SLC10A7: variants seen among roughly 807,000 people sequenced by gnomAD.
SLC10A7 encodes the protein sodium/bile acid cotransporter 7.
SLC10A7 carries 29 observed loss-of-function variants against 43.2 expected under a neutral mutation model. The observed-to-expected ratio is 0.67, with a 90% CI of 0.50 to 0.92. SLC10A7 has a LOEUF of 0.92. SLC10A7 is among the 40% of genes least tolerant of loss of function. The pLI is 0.00. For synonymous variants in SLC10A7, 152 were observed against 144.8 expected, an observed-to-expected ratio of 1.05 and a Z score of -0.35; for missense variants, 295 against 403.2, an observed-to-expected ratio of 0.73 and a Z score of 2.30.
chr4:146,418,656 C>T (rs146744050), intron 5 of SLC10A7, among the ~76,000 whole-genome samples: 2 of 152,270 alleles, frequency 1.3e-5, no homozygotes, highest in African/African-American at 2.4e-5. Flanking sequence ...CTCTCTCTTA[C>T]CACTCGATAC....
Position 146,292,119 on chromosome 4 carries a change from A to T in SLC10A7, c.773+810T>A, listed in dbSNP as rs552930861. On this transcript the variant is annotated intron_variant, in intron 9 of 11. Coordinates refer to ENST00000335472, the MANE Select transcript of SLC10A7 (RefSeq NM_001029998.6). ...GATTTTACATCAACCTAAAGCTTAG[A>T]CAGCATGAATACTAGTAGTGGTTCA... Among the ~76,000 whole-genome samples, 3 of 152,326 alleles carry T rather than the reference A, an allele frequency of 2.0e-5. No homozygotes were observed. In the East Asian group the frequency reaches 5.8e-4, roughly 29 times the overall value.
At chr4:146,356,656 T>G (rs1379539629) in intron 5 of SLC10A7, among the ~76,000 whole-genome samples, 1 of 142,552 alleles carries the variant, frequency 7.0e-6, no homozygotes, top group Non-Finnish European at 1.5e-5. Flanking sequence ...TCACACCACT[T>G]GATATTATAC....
At chr4:146,494,344 G>A (rs1325203000) in intron 4 of SLC10A7, among the ~76,000 whole-genome samples, 1 of 152,192 alleles carries the variant, frequency 6.6e-6, no homozygotes, top group Admixed American at 6.5e-5. Flanking sequence ...CAAAGGTGGT[G>A]ATATAGTGCC....
intron 4 of SLC10A7, among the ~76,000 whole-genome samples, chr4:146,444,798 G>T (rs1405082732): frequency 6.6e-6 from 1 of 152,140 alleles, no homozygotes; most frequent in African/African-American, 2.4e-5. Context: ...AATCTTTTGT[G>T]AAATGATTGA....
intron 5 of SLC10A7, among the ~76,000 whole-genome samples, chr4:146,366,359 C>T (rs1348910958): frequency 6.6e-6 from 1 of 152,156 alleles, no homozygotes; most frequent in Admixed American, 6.6e-5. Context: ...AATATTCATA[C>T]TTAATGAGAC....
chr4:146,464,749 T>A (rs761086453), intron 4 of SLC10A7, among the ~76,000 whole-genome samples: 2 of 151,838 alleles, frequency 1.3e-5, no homozygotes, highest in Non-Finnish European at 2.9e-5. Flanking sequence ...AGGAAAAAAA[T>A]TGCAAATAAA....
At chr4:146,364,418 A>T (rs1736256789) in intron 5 of SLC10A7, among the ~76,000 whole-genome samples, 1 of 152,140 alleles carries the variant, frequency 6.6e-6, no homozygotes, top group South Asian at 2.1e-4. Context: ...ACATGAAAAG[A>T]ACTAAGACCC....
intron 5 of SLC10A7, among the ~76,000 whole-genome samples, chr4:146,351,242 C>T (rs1252544665): frequency 6.7e-6 from 1 of 149,290 alleles, no homozygotes; most frequent in Non-Finnish European, 1.5e-5. Context: ...AATGCAGAAG[C>T]CTCAGGAGCT....
At chr4:146,352,855 CAT>C (rs1226043706) in intron 5 of SLC10A7, among the ~76,000 whole-genome samples, 5 of 144,226 alleles carry the variant, frequency 3.5e-5, no homozygotes, top group Non-Finnish European at 7.5e-5. Context: ...AAAGACACCA[CAT>C]ACCAGAATCT....
At chr4:146,325,880 AT>A in intron 6 of SLC10A7, 80 bp downstream of exon 6, 1 of 1,278,934 alleles carries the variant, frequency 7.8e-7, no homozygotes, top group Non-Finnish European at 1.1e-6. Context: ...TTCAAATTTC[AT>A]TTTTGTTCTA....
intron 9 of SLC10A7, among the ~76,000 whole-genome samples, chr4:146,289,710 T>G (rs908811324): frequency 8.5e-6 from 1 of 117,676 alleles, no homozygotes; most frequent in Non-Finnish European, 1.8e-5. Flanking sequence ...TTATTAGTTT[T>G]TTTTTTTTTT....
chr4:146,455,323 T>G (rs570383596), intron 4 of SLC10A7, among the ~76,000 whole-genome samples: 1 of 151,848 alleles, frequency 6.6e-6, no homozygotes, highest in African/African-American at 2.4e-5. Flanking sequence ...GATCAATTAA[T>G]GGAAGCTCTA....
At chr4:146,397,073 T>G (rs1229831792) in intron 5 of SLC10A7, among the ~76,000 whole-genome samples, 1 of 152,116 alleles carries the variant, frequency 6.6e-6, no homozygotes, top group Non-Finnish European at 1.5e-5. Flanking sequence ...TCCCAGAAGT[T>G]TTTCTTTCAA....
chr4:146,348,094 G>GGTCA (rs1734752004), intron 5 of SLC10A7, among the ~76,000 whole-genome samples: 2 of 152,014 alleles, frequency 1.3e-5, no homozygotes, highest in African/African-American at 4.8e-5. Flanking sequence ...AACTAATGGG[G>GGTCA]GTCACCAAGC....
At chr4:146,305,023 C>A (rs865920728) in intron 7 of SLC10A7, among the ~76,000 whole-genome samples, 1 of 151,704 alleles carries the variant, frequency 6.6e-6, no homozygotes, top group Non-Finnish European at 1.5e-5. Context: ...GTGGCGATTC[C>A]TCGGGGATCT....
intron 5 of SLC10A7, among the ~76,000 whole-genome samples, chr4:146,389,707 G>A (rs1180940707): frequency 6.6e-6 from 1 of 152,186 alleles, no homozygotes; most frequent in Non-Finnish European, 1.5e-5. Context: ...AGCTTCTAAT[G>A]TAACAGGGCA....
At chr4:146,431,135 T>C (rs1372100270) in intron 5 of SLC10A7, among the ~76,000 whole-genome samples, 3 of 152,198 alleles carry the variant, frequency 2.0e-5, no homozygotes, top group Non-Finnish European at 4.4e-5. Flanking sequence ...TAAACAATTT[T>C]ATCTTAAGTA....
chr4:146,334,053 T>G (rs1733717583), intron 5 of SLC10A7, among the ~76,000 whole-genome samples: 4 of 152,012 alleles, frequency 2.6e-5, no homozygotes, highest in Admixed American at 2.6e-4. Context: ...GAAGAACAGT[T>G]TCTTAGTTTT....
chr4:146,310,959 G>T (rs1340459034), intron 6 of SLC10A7, among the ~76,000 whole-genome samples: 3 of 139,838 alleles, frequency 2.1e-5, no homozygotes, highest in African/African-American at 7.9e-5. Context: ...ACAGGGGGAG[G>T]ATGGGGGGAG....
Sources: gnomAD v4.1 joint callset for allele counts (sites outside exome capture counted in the v4.1 genomes callset) on GRCh38, gnomAD v4.1.1 for gene constraint, MANE v1.5 for transcripts, NCBI Gene and HGNC (gene_info 2026-07-23, HGNC 2026-07-21) for gene names.